Variants in TRAPPC12 observed in about 807,000 individuals in gnomAD.
TRAPPC12 encodes the protein TPR repeat protein 15.
Under a neutral mutation model 69.2 loss-of-function variants are expected in TRAPPC12, and 61 were observed. The observed-to-expected ratio is 0.88, with a 90% confidence interval of 0.72 to 1.09. The LOEUF (loss-of-function observed/expected upper bound fraction) is 1.09. TRAPPC12 is among the 50% of genes least tolerant of loss of function. The pLI is 0.00. For synonymous variants in TRAPPC12, 469 were observed against 438.9 expected (o/e 1.07, Z -0.86); for missense variants, 1,101 against 1,016.4 (o/e 1.08, Z -1.13).
intron 5 of TRAPPC12, among the ~76,000 whole-genome samples, chr2:3,432,698 C>T (rs948775483): frequency 2.0e-5 from 3 of 152,214 alleles, no homozygotes; most frequent in Non-Finnish European, 4.4e-5. Flanking sequence ...CTGCTTTTCA[C>T]TTTGCCCACC....
intron 3 of TRAPPC12, among the ~76,000 whole-genome samples, chr2:3,402,337 A>G (rs1308799463): frequency 6.6e-6 from 1 of 152,208 alleles, no homozygotes; most frequent in African/African-American, 2.4e-5. Flanking sequence ...CACACCTGTA[A>G]TCCCAGCACT....
At chr2:3,457,117 C>G (rs539676226) in intron 6 of TRAPPC12, 1 of 464,540 alleles carries the variant, frequency 2.2e-6, no homozygotes, top group South Asian at 1.6e-5. Context: ...ACTACGCAGC[C>G]GTAAAAAAAG....
intron 5 of TRAPPC12, among the ~76,000 whole-genome samples, chr2:3,431,281 C>G (rs557392604): frequency 6.6e-6 from 1 of 152,324 alleles, no homozygotes; most frequent in East Asian, 1.9e-4. Context: ...GACAGACAGT[C>G]TCTGTAATCT....
At chr2:3,412,885 T>G (rs1412003723) in intron 3 of TRAPPC12, among the ~76,000 whole-genome samples, 1 of 152,222 alleles carries the variant, frequency 6.6e-6, no homozygotes, top group Non-Finnish European at 1.5e-5. Context: ...CATAAGTTGA[T>G]AAGTACAACC....
intron 6 of TRAPPC12, among the ~76,000 whole-genome samples, chr2:3,445,195 T>A (rs5005514): frequency 7.9e-5 from 12 of 152,164 alleles, no homozygotes; most frequent in Non-Finnish European, 1.8e-4. Flanking sequence ...CCTGGTCCTG[T>A]TATGTCCTAT....
chr2:3,442,015 A>C (rs1245270494), intron 5 of TRAPPC12, among the ~76,000 whole-genome samples: 5 of 152,242 alleles, frequency 3.3e-5, no homozygotes, highest in African/African-American at 4.8e-5. Flanking sequence ...AAGTGGCAGG[A>C]GTCACACAGC....
intron 9 of TRAPPC12, 40 bp downstream of exon 9, chr2:3,465,735 T>C (rs35561008): frequency 0.12 from 163,289 of 1,394,070 alleles, 13,809 homozygotes; most frequent in African/African-American, 0.43. Flanking sequence ...AAAGGCCTTA[T>C]GATAGTTCTT....
At chr2:3,442,476 A>G (rs1664276980) in intron 5 of TRAPPC12, among the ~76,000 whole-genome samples, 1 of 152,242 alleles carries the variant, frequency 6.6e-6, no homozygotes, top group South Asian at 2.1e-4. Context: ...CGGATGGTCT[A>G]GAAATGTTTA....
intron 3 of TRAPPC12, among the ~76,000 whole-genome samples, chr2:3,407,087 C>T (rs561697344): frequency 6.6e-6 from 1 of 152,278 alleles, no homozygotes; most frequent in East Asian, 1.9e-4. Context: ...TGAATTATTT[C>T]CCTAAGTTAT....
At chr2:3,427,263 G>C (rs567837546) in intron 5 of TRAPPC12, among the ~76,000 whole-genome samples, 1 of 152,292 alleles carries the variant, frequency 6.6e-6, no homozygotes, top group South Asian at 2.1e-4. Context: ...CTCCCACGTG[G>C]TTCATAGTCC....
chr2:3,460,440 G>A (rs1357706006), intron 8 of TRAPPC12, 104 bp downstream of exon 8: 4 of 708,210 alleles, frequency 5.6e-6, no homozygotes, highest in East Asian at 5.1e-5. Flanking sequence ...GGGACCGGCC[G>A]TGCAGAGAAG....
intron 6 of TRAPPC12, among the ~76,000 whole-genome samples, chr2:3,445,582 A>T (rs1664462309): frequency 6.6e-6 from 1 of 152,046 alleles, no homozygotes. Context: ...TCCAATATTA[A>T]CTCATTTAAT....
intron 3 of TRAPPC12, among the ~76,000 whole-genome samples, chr2:3,421,340 G>A (rs1368485830): frequency 6.6e-6 from 1 of 152,172 alleles, no homozygotes; most frequent in Admixed American, 6.5e-5. Flanking sequence ...ACTGTGCATT[G>A]CCACACGGGC....
intron 2 of TRAPPC12, among the ~76,000 whole-genome samples, chr2:3,399,821 G>A (rs1194091944): frequency 3.4e-5 from 4 of 116,520 alleles, no homozygotes; most frequent in Admixed American, 1.6e-4. Context: ...CCCCGCCACC[G>A]CCCCGCCGCC....
chr2:3,389,812 A>G (rs1660722971), intron 2 of TRAPPC12: 2 of 470,684 alleles, frequency 4.2e-6, no homozygotes, highest in African/African-American at 2.0e-5. Flanking sequence ...ATTGAGCACA[A>G]AACAGCTCTC....
chr2:3,435,293 CG>C (rs2103081070), intron 5 of TRAPPC12, among the ~76,000 whole-genome samples: 1 of 152,300 alleles, frequency 6.6e-6, no homozygotes, highest in East Asian at 1.9e-4. Flanking sequence ...GGATTACAGG[CG>C]TGAGCCACCG....
intron 5 of TRAPPC12, among the ~76,000 whole-genome samples, chr2:3,430,506 T>A (rs1021211587): frequency 5.3e-5 from 8 of 152,262 alleles, no homozygotes; most frequent in African/African-American, 1.9e-4. Flanking sequence ...AATCTTGGCC[T>A]GTATTTCTAT....
chr2:3,450,438 G>A (rs1203533228), intron 6 of TRAPPC12, among the ~76,000 whole-genome samples: 1 of 152,236 alleles, frequency 6.6e-6, no homozygotes, highest in Non-Finnish European at 1.5e-5. Flanking sequence ...CAGGCTGACA[G>A]TCTGGAAACT....
chr2:3,436,906 C>A (rs1241873853), intron 5 of TRAPPC12, among the ~76,000 whole-genome samples: 1 of 92,922 alleles, frequency 1.1e-5, no homozygotes, highest in African/African-American at 4.1e-5. Flanking sequence ...AATCTCCCCA[C>A]CACCCCTGGA....
Sources: gnomAD v4.1 joint callset for allele counts (sites outside exome capture counted in the v4.1 genomes callset) on GRCh38, gnomAD v4.1.1 for gene constraint, MANE v1.5 for transcripts, NCBI Gene and HGNC (gene_info 2026-07-23, HGNC 2026-07-21) for gene names.